CDH4: variants seen among roughly 807,000 people sequenced by gnomAD.
CDH4 encodes cadherin-4.
CDH4 carries 33 observed loss-of-function variants against 86.0 expected under a neutral mutation model. That is an observed-to-expected ratio of 0.38 (90% CI 0.29 to 0.51). The LOEUF (loss-of-function observed/expected upper bound fraction) is 0.51, where lower values mean the gene tolerates loss of function less well. CDH4 is among the 20% of genes least tolerant of loss of function. CDH4 has a pLI of 0.86. For synonymous variants in CDH4, 555 were observed against 549.4 expected (o/e 1.01, Z -0.14); for missense variants, 1,114 against 1,307.4 (o/e 0.85, Z 2.28).
intron 2 of CDH4, among the ~76,000 whole-genome samples, chr20:61,546,927 G>A (rs543558435): frequency 1.4e-4 from 22 of 152,220 alleles, no homozygotes; most frequent in Non-Finnish European, 2.4e-4. Context: ...CTCTTCTTCC[G>A]TCTCCGTGCC....
chr20:61,256,834 C>T (rs1354692685), intron 2 of CDH4, among the ~76,000 whole-genome samples: 1 of 152,146 alleles, frequency 6.6e-6, no homozygotes, highest in Non-Finnish European at 1.5e-5. Flanking sequence ...TGTGTGGGTC[C>T]CCTTCTCACT....
intron 2 of CDH4, chr20:61,570,582 C>T: frequency 1.4e-6 from 1 of 689,818 alleles, no homozygotes; most frequent in East Asian, 2.7e-5. Context: ...TTCCTTTACC[C>T]CATTGCTCTG....
At chr20:61,920,814 TGTC>T (rs372397550) in intron 9 of CDH4, among the ~76,000 whole-genome samples, 58 of 137,204 alleles carry the variant, frequency 4.2e-4, no homozygotes, top group Middle Eastern at 4.5e-3. Flanking sequence ...GGAAGCGTGG[TGTC>T]GTGATTGCAT....
intron 4 of CDH4, among the ~76,000 whole-genome samples, chr20:61,789,519 C>G (rs1039810284): frequency 4.6e-5 from 7 of 152,176 alleles, no homozygotes; most frequent in Non-Finnish European, 5.9e-5. Flanking sequence ...CCCTGGAGGA[C>G]AAAACCAGTG....
intron 2 of CDH4, among the ~76,000 whole-genome samples, chr20:61,459,389 C>T (rs1406837771): frequency 1.3e-5 from 2 of 151,772 alleles, no homozygotes; most frequent in Non-Finnish European, 2.9e-5. Flanking sequence ...GAGAGGACCC[C>T]AACCCCGGGG....
intron 2 of CDH4, among the ~76,000 whole-genome samples, chr20:61,512,267 C>T (rs78656223): frequency 0.031 from 4,673 of 152,178 alleles, 117 homozygotes; most frequent in Non-Finnish European, 0.047. Context: ...GGGTTAACCA[C>T]GGCAGTGATT....
intron 2 of CDH4, among the ~76,000 whole-genome samples, chr20:61,514,306 G>GCCCCCCCCCCCCCCCCCCC (rs1215793319): frequency 4.8e-5 from 6 of 125,804 alleles, no homozygotes; most frequent in African/African-American, 1.9e-4. Context: ...GCCTCAGTCC[G>GCCCCCCCCCCCCCCCCCCC]CCCCCCCCGC....
chr20:61,845,497 GCA>G (rs1203574992), intron 5 of CDH4, among the ~76,000 whole-genome samples: 3 of 152,230 alleles, frequency 2.0e-5, no homozygotes, highest in Non-Finnish European at 4.4e-5. Flanking sequence ...AGTGGGGAGT[GCA>G]CATCCCTTCA....
intron 2 of CDH4, among the ~76,000 whole-genome samples, chr20:61,710,298 C>T (rs2087875907): frequency 6.6e-6 from 1 of 152,188 alleles, no homozygotes; most frequent in Non-Finnish European, 1.5e-5. Flanking sequence ...CCTCTCTGAG[C>T]CTGGTGTCCT....
chr20:61,634,450 C>T (rs1337596247), intron 2 of CDH4, among the ~76,000 whole-genome samples: 1 of 152,168 alleles, frequency 6.6e-6, no homozygotes, highest in African/African-American at 2.4e-5. Flanking sequence ...CCCTGACTTC[C>T]GCGAGTGTTC....
Position 61,254,947 on chromosome 20 carries a change from G to A in CDH4, c.169+10G>A. On this transcript the variant is annotated intron_variant, in intron 2 of 15. Transcript: ENST00000614565. ...GAAAAGCTACTTCAAGGTAAGGCGG[G>A]GTGTGGAGGGGTGGGAGTGAATTGC... 6.9e-7 allele frequency: 1 copy of A among 1,454,020 alleles called. No individual in the cohort carries two copies. The highest frequency in any genetic ancestry group is 2.3e-5 in the East Asian group (1 of 44,130). The allele number at this position is 1,454,020 out of a possible 1,614,324, so 90.1% of individuals were successfully genotyped here.
intron 2 of CDH4, among the ~76,000 whole-genome samples, chr20:61,270,267 G>C (rs375271091): frequency 6.6e-6 from 1 of 152,242 alleles, no homozygotes; most frequent in South Asian, 2.1e-4. Flanking sequence ...CTTGGGCAGC[G>C]ATGAACTGAT....
intron 3 of CDH4, among the ~76,000 whole-genome samples, chr20:61,762,703 G>A (rs1336012526): frequency 3.3e-5 from 5 of 152,146 alleles, no homozygotes; most frequent in Admixed American, 6.5e-5. Flanking sequence ...TATACAAATC[G>A]GACCCCCAGG....
chr20:61,278,715 A>C (rs891076458), intron 2 of CDH4, among the ~76,000 whole-genome samples: 4 of 152,248 alleles, frequency 2.6e-5, no homozygotes, highest in African/African-American at 7.2e-5. Flanking sequence ...TGGTCCATGC[A>C]GGATCTTTTC....
chr20:61,352,328 TA>T (rs376024377), intron 2 of CDH4, among the ~76,000 whole-genome samples: 161 of 152,276 alleles, frequency 1.1e-3, no homozygotes, highest in African/African-American at 3.9e-3. Flanking sequence ...TTACCTCGTT[TA>T]AAAAAAATCC....
chr20:61,281,010 T>G lies in CDH4; in HGVS notation c.169+26073T>G, dbSNP rs116004973. Among the ~76,000 whole-genome samples, 464 of 152,306 alleles carry G rather than the reference T, an allele frequency of 3.0e-3. 3 individuals are homozygous for G. Among genetic ancestry groups the G allele is most frequent in the African/African-American group, 0.011 (445 of 41,580 alleles). ...TTCCAGGGTGACTAAATGTTTCCCA[T>G]TTAAGTTATGAGTTATTAAAGGAAA... On this transcript the variant is annotated intron_variant, in intron 2 of 15. Transcript: ENST00000614565.
At chr20:61,750,588 G>A (rs565455158) in intron 3 of CDH4, among the ~76,000 whole-genome samples, 1 of 152,206 alleles carries the variant, frequency 6.6e-6, no homozygotes, top group Admixed American at 6.5e-5. Flanking sequence ...AAGAGGAATT[G>A]CTCTCCCAAA....
chr20:61,463,709 A>G (rs926177244), intron 2 of CDH4, among the ~76,000 whole-genome samples: 3 of 152,200 alleles, frequency 2.0e-5, no homozygotes, highest in African/African-American at 7.2e-5. Flanking sequence ...AGGGCAGTCA[A>G]ATGGTCCGGA....
chr20:61,544,034 C>T lies in CDH4; in HGVS notation c.170-199529C>T, dbSNP rs2086058719. ...ACAGCTGAGGTCCCTGGAGGCTGCC[C>T]CACACCCCCGGCCCCACACCTGGCT... is the stretch of plus-strand genomic sequence containing the variant. On this transcript the variant is annotated intron_variant, in intron 2 of 15. Transcript: ENST00000614565. The surrounding 1 kb of genome is among the most constrained non-coding windows in gnomAD (Gnocchi z 6.5). 1.3e-5 allele frequency among the ~76,000 whole-genome samples: 2 copies of T among 152,158 alleles called. No individual in the cohort carries two copies. Among genetic ancestry groups the T allele is most frequent in the Admixed American group, 6.5e-5 (1 of 15,270 alleles).
Sources: gnomAD v4.1 joint callset for allele counts (sites outside exome capture counted in the v4.1 genomes callset) on GRCh38, gnomAD v4.1.1 for gene constraint, Gnocchi (gnomAD v3.1) non-coding constraint, MANE v1.5 for transcripts, NCBI Gene and HGNC (gene_info 2026-07-23, HGNC 2026-07-21) for gene names.